Variants in AGBL1 observed in about 807,000 individuals in gnomAD.
AGBL1 encodes AGBL carboxypeptidase 1.
In AGBL1, 130 loss-of-function variants were observed where a neutral mutation model predicts 118.9. The ratio of observed to expected loss-of-function variants is 1.09; its 90% confidence interval spans 0.95 to 1.26. The LOEUF (loss-of-function observed/expected upper bound fraction) is 1.26. Among genes scored for constraint, AGBL1 ranks in the 50% most tolerant of loss-of-function variants. The pLI is 0.00. For missense variants in AGBL1, 1,584 were observed against 1,298.1 expected (o/e 1.22, Z -3.38); for synonymous variants, 555 against 478.9 (o/e 1.16, Z -2.08).
chr15:87,026,961 T>C (rs755933710), intron 24 of AGBL1, among the ~76,000 whole-genome samples: 23 of 151,940 alleles, frequency 1.5e-4, no homozygotes, highest in South Asian at 4.1e-4. Context: ...ATAAGAATGA[T>C]ACAATGGACT....
chr15:86,820,065 G>C (rs1354764195), intron 22 of AGBL1, among the ~76,000 whole-genome samples: 1 of 152,150 alleles, frequency 6.6e-6, no homozygotes, highest in Non-Finnish European at 1.5e-5. Flanking sequence ...TTAATAAATG[G>C]TGTTGGGAAA....
At chr15:86,639,486 C>A (rs375529675) in intron 21 of AGBL1, among the ~76,000 whole-genome samples, 1 of 152,148 alleles carries the variant, frequency 6.6e-6, no homozygotes, top group Non-Finnish European at 1.5e-5. Context: ...AAATTATTTA[C>A]TACTGTTTCT....
rs755994935 is a variant in AGBL1 at position 86,266,995 on chromosome 15, T to C, written c.1757T>C (p.Leu586Ser). The C allele has an allele frequency of 6.4e-7, 1 of 1,567,550 alleles. No individual in the cohort carries two copies. Among genetic ancestry groups the C allele is most frequent in the South Asian group, 1.2e-5 (1 of 85,036 alleles). ...TGTTCCTTATTTCATTGTAGGCCTT[T>C]GCAAGACAATGCTTCCAATTGTTTA... is the stretch of plus-strand genomic sequence containing the variant. ...VVFSLDEPWP[L>S]QDNASNCLRF... The change falls in exon 13 of 23, where the codon TTG becomes TCG. Residue 586 changes from leucine to serine, a missense_variant. Coordinates refer to ENST00000614907, the MANE Select transcript of AGBL1 (RefSeq NM_001386094.1).
At chr15:86,265,836 C>T (rs539949045) in intron 11 of AGBL1, among the ~76,000 whole-genome samples, 16 of 152,250 alleles carry the variant, frequency 1.1e-4, no homozygotes, top group African/African-American at 3.9e-4. Flanking sequence ...TCTGAAAGAC[C>T]TTCTAAGCTT....
chr15:86,241,206 G>T (rs958758455), intron 6 of AGBL1, among the ~76,000 whole-genome samples: 9 of 152,084 alleles, frequency 5.9e-5, no homozygotes, highest in Non-Finnish European at 1.3e-4. Flanking sequence ...TGAAGAAAAT[G>T]GTTATAAATT....
chr15:87,022,598 T>G (rs1821328), intron 24 of AGBL1, among the ~76,000 whole-genome samples: 86,348 of 151,868 alleles, frequency 0.57, 27,256 homozygotes, highest in African/African-American at 0.85. Flanking sequence ...TACAAGAAGC[T>G]CAAGGAACAC....
At chr15:86,949,709 A>G (rs1446629502) in intron 23 of AGBL1, among the ~76,000 whole-genome samples, 1 of 152,124 alleles carries the variant, frequency 6.6e-6, no homozygotes, top group Admixed American at 6.6e-5. Context: ...GGAAGAAAAG[A>G]GTAAAAAAGG....
intron 5 of AGBL1, among the ~76,000 whole-genome samples, chr15:86,191,338 AACTTTGTCTC>A (rs2077716364): frequency 2.0e-5 from 2 of 98,110 alleles, no homozygotes; most frequent in African/African-American, 1.1e-4. Flanking sequence ...ACAGGAGCAA[AACTTTGTCTC>A]AAAAAAAAAA....
intron 1 of AGBL1, among the ~76,000 whole-genome samples, chr15:86,115,097 T>C (rs1897672076): frequency 6.6e-6 from 1 of 152,178 alleles, no homozygotes; most frequent in Non-Finnish European, 1.5e-5. Context: ...TGCTAAAAAA[T>C]AGCTACTGGG....
chr15:86,568,470 G>A (rs1596274552), intron 21 of AGBL1, among the ~76,000 whole-genome samples: 1 of 152,132 alleles, frequency 6.6e-6, no homozygotes, highest in African/African-American at 2.4e-5. Flanking sequence ...GCTTGACTTT[G>A]TGAAAATCAA....
At chr15:86,647,277 C>T in intron 21 of AGBL1, among the ~76,000 whole-genome samples, 1 of 151,852 alleles carries the variant, frequency 6.6e-6, no homozygotes. Flanking sequence ...ATAAAATCAC[C>T]TGTGTCCTAT....
intron 23 of AGBL1, among the ~76,000 whole-genome samples, chr15:86,923,800 T>C (rs1177080593): frequency 6.6e-6 from 1 of 152,216 alleles, no homozygotes; most frequent in Non-Finnish European, 1.5e-5. Context: ...TTCCTCATTA[T>C]ATGAACTACC....
intron 23 of AGBL1, among the ~76,000 whole-genome samples, chr15:86,943,438 C>T (rs1215740857): frequency 6.6e-6 from 1 of 152,094 alleles, no homozygotes; most frequent in Admixed American, 6.6e-5. Context: ...ACAGGAGCTC[C>T]CCAGTAGGTC....
intron 22 of AGBL1, among the ~76,000 whole-genome samples, chr15:86,831,291 T>C (rs923229384): frequency 6.6e-6 from 1 of 152,160 alleles, no homozygotes; most frequent in Non-Finnish European, 1.5e-5. Flanking sequence ...TATCCTCACA[T>C]TTCAAAACCA....
At position 86,457,675 on chromosome 15, in the gene AGBL1, A is replaced by G. The variant is rs563576169; in HGVS notation, c.2555+60129A>G. Among the ~76,000 whole-genome samples, 40 of 152,340 alleles carry G rather than the reference A, an allele frequency of 2.6e-4. 1 individual carries two copies. Among genetic ancestry groups the G allele is most frequent in the East Asian group, 2.3e-3 (12 of 5,186 alleles). On this transcript the variant is annotated intron_variant, in intron 18 of 22. Transcript: ENST00000614907. ...TAGAAGTGCTCTGGAGAAGAAGTCC[A>G]AGAGATATATCTTCCCAGTAGTCAC... is the stretch of plus-strand genomic sequence containing the variant.
intron 5 of AGBL1, among the ~76,000 whole-genome samples, chr15:86,215,356 A>C (rs1331560394): frequency 6.6e-6 from 1 of 151,838 alleles, no homozygotes; most frequent in African/African-American, 2.4e-5. Flanking sequence ...AATCCCTTTT[A>C]AAGGTCCTCC....
chr15:86,893,031 G>A (rs1200622131), intron 22 of AGBL1, among the ~76,000 whole-genome samples: 1 of 152,184 alleles, frequency 6.6e-6, no homozygotes, highest in Non-Finnish European at 1.5e-5. Context: ...AGGGAGAATA[G>A]CAGGGTGTGG....
intron 18 of AGBL1, among the ~76,000 whole-genome samples, chr15:86,461,047 C>CA (rs2082328502): frequency 6.6e-6 from 1 of 152,130 alleles, no homozygotes; most frequent in South Asian, 2.1e-4. Context: ...ATGAGCTAAG[C>CA]AAATGCATTC....
At chr15:86,970,004 G>A (rs1434072171) in intron 23 of AGBL1, among the ~76,000 whole-genome samples, 1 of 151,846 alleles carries the variant, frequency 6.6e-6, no homozygotes, top group Non-Finnish European at 1.5e-5. Flanking sequence ...TTGGGTGGTA[G>A]GTCGTAGCTG....
Sources: gnomAD v4.1 joint callset for allele counts (sites outside exome capture counted in the v4.1 genomes callset) on GRCh38, gnomAD v4.1.1 for gene constraint, MANE v1.5 for transcripts, NCBI Gene and HGNC (gene_info 2026-07-23, HGNC 2026-07-21) for gene names.